The following NELL2 variants were observed in gnomAD, a reference collection of about 807,000 sequenced individuals.
The protein encoded by NELL2 is neural EGFL like 2.
A neutral mutation model predicts 109.6 loss-of-function variants in NELL2; 41 were observed. The ratio of observed to expected loss-of-function variants is 0.37; its 90% CI spans 0.29 to 0.49. The LOEUF (loss-of-function observed/expected upper bound fraction) is 0.49. Ranked by LOEUF, NELL2 falls within the 20% of genes least tolerant of loss-of-function variation. NELL2 has a pLI of 0.98. For missense variants in NELL2, 900 were observed against 1,008.3 expected (o/e 0.89, Z 1.45); for synonymous variants, 355 against 344.7 (o/e 1.03, Z -0.33).
intron 2 of NELL2, among the ~76,000 whole-genome samples, chr12:44,830,058 T>C (rs1320018253): frequency 1.3e-5 from 2 of 152,148 alleles, no homozygotes; most frequent in Non-Finnish European, 2.9e-5. Context: ...ATGATTAGCA[T>C]AAAAAGAAGA....
At chr12:44,587,834 T>A (rs1438102571) in intron 15 of NELL2, among the ~76,000 whole-genome samples, 2 of 152,080 alleles carry the variant, frequency 1.3e-5, no homozygotes, top group African/African-American at 4.8e-5. Flanking sequence ...TTAGCAAAAT[T>A]TTTGGATTGA....
chr12:44,717,747 T>A (rs1938565378), intron 9 of NELL2, among the ~76,000 whole-genome samples: 1 of 152,176 alleles, frequency 6.6e-6, no homozygotes, highest in African/African-American at 2.4e-5. Context: ...GCACAGCTAC[T>A]GCCAGAGACA....
intron 2 of NELL2, among the ~76,000 whole-genome samples, chr12:44,835,930 T>C (rs1944040300): frequency 6.6e-6 from 1 of 152,108 alleles, no homozygotes; most frequent in East Asian, 1.9e-4. Flanking sequence ...AGAGGAAGAA[T>C]ATGTACAAAG....
chr12:44,856,090 T>C (rs1592661095), intron 2 of NELL2, among the ~76,000 whole-genome samples: 1 of 152,258 alleles, frequency 6.6e-6, no homozygotes, highest in South Asian at 2.1e-4. Context: ...AAGCACATTA[T>C]GTGTGCAACC....
chr12:44,657,329 G>A (rs1947541561), intron 13 of NELL2, among the ~76,000 whole-genome samples: 1 of 152,148 alleles, frequency 6.6e-6, no homozygotes, highest in Non-Finnish European at 1.5e-5. Context: ...AAGAGAGAGA[G>A]AGTGTGTGTG....
chr12:44,781,256 C>T (rs533247057), intron 3 of NELL2, among the ~76,000 whole-genome samples: 48 of 151,084 alleles, frequency 3.2e-4, no homozygotes, highest in Middle Eastern at 3.5e-3. Flanking sequence ...GAAATGAAAG[C>T]TCAGTGGATA....
At chr12:44,914,526 T>A (rs908735337), upstream of NELL2, among the ~76,000 whole-genome samples, 2 of 152,294 alleles carry the variant, frequency 1.3e-5, no homozygotes, top group East Asian at 1.9e-4. Flanking sequence ...TCTTCCAGAT[T>A]TTTTTCTACA....
At chr12:44,849,178 AAAT>A (rs1944459366) in intron 2 of NELL2, among the ~76,000 whole-genome samples, 1 of 152,190 alleles carries the variant, frequency 6.6e-6, no homozygotes, top group Admixed American at 6.5e-5. Flanking sequence ...ACAAAACAAA[AAAT>A]AATGATAACT....
At chr12:44,663,854 C>T (rs370486010) in intron 13 of NELL2, among the ~76,000 whole-genome samples, 17 of 152,244 alleles carry the variant, frequency 1.1e-4, no homozygotes, top group African/African-American at 4.1e-4. Flanking sequence ...GTCCCATGTC[C>T]TTTCACTTAA....
At chr12:44,658,703 T>A (rs1592282907) in intron 13 of NELL2, among the ~76,000 whole-genome samples, 1 of 151,278 alleles carries the variant, frequency 6.6e-6, no homozygotes, top group South Asian at 2.1e-4. Flanking sequence ...GGTGAAACCC[T>A]GTCTCTACTA....
At chr12:44,566,533 T>TCACACACACACACACA (rs3071958) in intron 15 of NELL2, among the ~76,000 whole-genome samples, 2 of 148,760 alleles carry the variant, frequency 1.3e-5, no homozygotes, top group Admixed American at 6.7e-5. Context: ...TTACACATAC[T>TCACACACACACACACA]CACACACACA....
chr12:44,680,259 G>A (rs919795712), intron 12 of NELL2, among the ~76,000 whole-genome samples: 3 of 152,046 alleles, frequency 2.0e-5, no homozygotes, highest in African/African-American at 7.2e-5. Context: ...ATAAATCACT[G>A]ACTGGATTGC....
intron 15 of NELL2, among the ~76,000 whole-genome samples, chr12:44,549,890 A>G (rs960480653): frequency 1.3e-5 from 2 of 152,200 alleles, no homozygotes; most frequent in Admixed American, 6.5e-5. Flanking sequence ...ATAAAATTTA[A>G]AATTCTGAAA....
At chr12:44,573,752 G>T (rs551225908) in intron 15 of NELL2, among the ~76,000 whole-genome samples, 1 of 152,306 alleles carries the variant, frequency 6.6e-6, no homozygotes, top group African/African-American at 2.4e-5. Flanking sequence ...TCAGTTAAGG[G>T]TAACTGAGGT....
chr12:44,726,691 G>A (rs546019144), intron 9 of NELL2, among the ~76,000 whole-genome samples: 5 of 152,070 alleles, frequency 3.3e-5, no homozygotes, highest in South Asian at 2.1e-4. Flanking sequence ...AAGACTTACC[G>A]TGTTTAAAAT....
At chr12:44,631,414 T>C (rs1296689071) in intron 13 of NELL2, among the ~76,000 whole-genome samples, 1 of 151,974 alleles carries the variant, frequency 6.6e-6, no homozygotes, top group African/African-American at 2.4e-5. Flanking sequence ...CTATAAAGAA[T>C]ACTGATATTA....
chr12:44,587,794 C>T (rs1320556907), intron 15 of NELL2, among the ~76,000 whole-genome samples: 1 of 152,010 alleles, frequency 6.6e-6, no homozygotes, highest in Non-Finnish European at 1.5e-5. Flanking sequence ...CATGATAAAC[C>T]CCCTTGATGG....
At chr12:44,911,105 G>A (rs972355195) in intron 1 of NELL2, among the ~76,000 whole-genome samples, 1 of 151,960 alleles carries the variant, frequency 6.6e-6, no homozygotes, top group Admixed American at 6.6e-5. Context: ...ATATACCCAT[G>A]TAACAAATCT....
chr12:44,705,388 T>C (rs1372449960), intron 11 of NELL2, among the ~76,000 whole-genome samples: 2 of 152,126 alleles, frequency 1.3e-5, no homozygotes, highest in South Asian at 2.1e-4. Context: ...CAGAAAAATA[T>C]AGTCAATAAC....
Sources: allele counts gnomAD v4.1 joint callset (sites outside exome capture counted in the v4.1 genomes callset), GRCh38; gene constraint gnomAD v4.1.1; transcripts MANE v1.5; gene names NCBI Gene and HGNC (gene_info 2026-07-23, HGNC 2026-07-21).